The following CDCP1 variants were observed in gnomAD, a reference collection of about 807,000 sequenced individuals.
CDCP1 encodes CUB domain containing protein 1, also known as CUB domain-containing protein 1.
In CDCP1, 29 loss-of-function variants were observed where a neutral mutation model predicts 60.2. The ratio of observed to expected loss-of-function variants is 0.48; its 90% CI spans 0.36 to 0.66. CDCP1 has a LOEUF of 0.66. Ranked by LOEUF, CDCP1 falls within the 30% of genes least tolerant of loss-of-function variation. The pLI is 0.00. For missense variants in CDCP1, 876 were observed against 1,074.3 expected (o/e 0.82, Z 2.58); for synonymous variants, 387 against 431.1 (o/e 0.90, Z 1.27).
chr3:45,136,247 G>A (rs531813419), intron 1 of CDCP1, among the ~76,000 whole-genome samples: 1 of 152,306 alleles, frequency 6.6e-6, no homozygotes, highest in East Asian at 1.9e-4. Context: ...ACATTGTGTG[G>A]GTGGGTGGAA....
chr3:45,090,814 A>G (rs1698280059), intron 7 of CDCP1, among the ~76,000 whole-genome samples: 1 of 152,180 alleles, frequency 6.6e-6, no homozygotes, highest in Non-Finnish European at 1.5e-5. Context: ...AAGCCAAGTA[A>G]TCTCAGTTGT....
At position 45,112,089 on chromosome 3, in the gene CDCP1, T is replaced by C. The variant is rs146798463; in HGVS notation, c.649A>G (p.Ile217Val). 5 of 1,612,656 alleles carry C rather than the reference T, an allele frequency of 3.1e-6. No homozygotes were observed. Among genetic ancestry groups the C allele is most frequent in the Non-Finnish European group, 4.2e-6 (5 of 1,178,902 alleles). Residue 217 changes from isoleucine (I) to valine (V), a missense_variant, in exon 3 of 9, where the codon ATA becomes GTA. Around this residue, in one of 2 missense-constraint regions of CDCP1, gnomAD observed 726 missense variants for 935.7 expected, o/e 0.78. Coordinates refer to ENST00000296129, the MANE Select transcript of CDCP1 (RefSeq NM_022842.5). ...SGFSIANRSS[I>V]KRLCIIESVF... ...CAGGGAGGGGCTTTCTCACGTTTTA[T>C]AGATGAGCGGTTTGCAATGCTGAAG...
chr3:45,124,089 G>C (rs576324975), intron 1 of CDCP1, among the ~76,000 whole-genome samples: 1 of 152,206 alleles, frequency 6.6e-6, no homozygotes, highest in African/African-American at 2.4e-5. Flanking sequence ...CAGGGTTGGG[G>C]GAAGAATTTC....
intron 3 of CDCP1, among the ~76,000 whole-genome samples, chr3:45,111,784 CAAAGAAGTTA>C (rs1393639889): frequency 3.3e-5 from 5 of 152,192 alleles, no homozygotes. Flanking sequence ...AGATGGAAGA[CAAAGAAGTTA>C]GAAATGAAGC....
intron 2 of CDCP1, among the ~76,000 whole-genome samples, chr3:45,112,787 G>A (rs1698722542): frequency 6.6e-6 from 1 of 152,258 alleles, no homozygotes; most frequent in African/African-American, 2.4e-5. Flanking sequence ...CTTGCTTCAA[G>A]TGATGTAACC....
At chr3:45,094,950 T>G (rs1288872645) in intron 5 of CDCP1, among the ~76,000 whole-genome samples, 2 of 151,422 alleles carry the variant, frequency 1.3e-5, no homozygotes, top group Non-Finnish European at 3.0e-5. Context: ...GGGTTTTTTT[T>G]TTTTTTTTGA....
At chr3:45,100,749 G>A (rs1035146451) in intron 4 of CDCP1, among the ~76,000 whole-genome samples, 1 of 152,150 alleles carries the variant, frequency 6.6e-6, no homozygotes, top group Non-Finnish European at 1.5e-5. Flanking sequence ...TGTATGAAGG[G>A]AGTAAAGCCA....
chr3:45,096,639 A>G (rs1698404071), intron 4 of CDCP1, among the ~76,000 whole-genome samples: 1 of 151,370 alleles, frequency 6.6e-6, no homozygotes, highest in African/African-American at 2.4e-5. Flanking sequence ...AAAAAAAAAA[A>G]AAAAAAAAGA....
rs1302600979 is a variant in CDCP1, at chr3:45,093,359, C to A, written c.1545G>T (p.Val515=). The change falls in exon 6 of 9, where the codon GTG becomes GTT. Residue 515 remains valine (V), a synonymous_variant. Transcript: ENST00000296129. ...KQIQVKQNIS[V]TLRTFAPSFQ... is the part of the protein sequence containing the mutation. ...AGCTGGGGGCAAAGGTGCGAAGGGTCACCGAGATGTTCTGCTTCACCTGGA... is the reference window on the plus strand; with the variant it reads ...AGCTGGGGGCAAAGGTGCGAAGGGTAACCGAGATGTTCTGCTTCACCTGGA... 1.2e-6 allele frequency: 2 copies of A among 1,614,072 alleles called. No individual in the cohort carries two copies. Among genetic ancestry groups the A allele is most frequent in the African/African-American group, 2.7e-5 (2 of 74,930 alleles).
intron 4 of CDCP1, among the ~76,000 whole-genome samples, chr3:45,104,768 T>C (rs995631805): frequency 3.3e-5 from 5 of 152,162 alleles, no homozygotes; most frequent in Admixed American, 1.3e-4. Context: ...TAAAAAACAT[T>C]TGAGGCTGGG....
intron 1 of CDCP1, among the ~76,000 whole-genome samples, chr3:45,127,401 C>T (rs1004793988): frequency 8.5e-5 from 13 of 152,092 alleles, no homozygotes; most frequent in African/African-American, 3.1e-4. Flanking sequence ...GTTAATGTGG[C>T]TGAGTTAGTG....
At chr3:45,145,922 T>G (rs1159277628) in intron 1 of CDCP1, among the ~76,000 whole-genome samples, 1 of 151,544 alleles carries the variant, frequency 6.6e-6, no homozygotes, top group African/African-American at 2.4e-5. Context: ...ACCGGGCTCA[T>G]CCTCCCGGAC....
chr3:45,143,008 G>C (rs1699320145), intron 1 of CDCP1, among the ~76,000 whole-genome samples: 1 of 152,202 alleles, frequency 6.6e-6, no homozygotes, highest in South Asian at 2.1e-4. Flanking sequence ...TTTGAGACGA[G>C]CCTGGCTAAT....
chr3:45,124,732 A>G (rs1176900903), intron 1 of CDCP1, among the ~76,000 whole-genome samples: 1 of 152,172 alleles, frequency 6.6e-6, no homozygotes, highest in Non-Finnish European at 1.5e-5. Context: ...AAGTCGTGAT[A>G]TGCTTTTAGG....
chr3:45,085,921 T>A lies in CDCP1; in HGVS notation c.2228A>T (p.Tyr743Phe). The A allele has an allele frequency of 6.2e-7, 1 of 1,614,156 alleles. No individual in the cohort carries two copies. Among genetic ancestry groups the A allele is most frequent in the Non-Finnish European group, 8.5e-7 (1 of 1,180,016 alleles). ...VYAVIEDTMV[Y>F]GHLLQDSSGS... is the part of the protein sequence containing the mutation. ...GCTGGAATCCTGTAGCAGATGCCCA[T>A]ATACCATGGTGTCCTCGATGACTGC... The change falls in exon 9 of 9, where the codon TAT (tyrosine) becomes TTT (phenylalanine). Residue 743 changes from tyrosine (Y) to phenylalanine (F), a missense_variant. This residue lies in a region of CDCP1 where 726 missense variants were observed against 935.7 expected (regional missense o/e 0.78). Coordinates refer to ENST00000296129, the MANE Select transcript of CDCP1 (RefSeq NM_022842.5). The surrounding 1 kb of genome is among the most constrained non-coding windows in gnomAD (Gnocchi z 4.2).
rs1373579323 is a variant in CDCP1 at position 45,088,982 on chromosome 3, G to A, written c.2081+72C>T. On this transcript the variant is annotated intron_variant, in intron 8 of 8. Transcript: ENST00000296129. The stretch of plus-strand genomic sequence containing the variant: ...GAAGCAAGAAAACAAAGTCAATAAT[G>A]AACAATCCACCCAGTCTGTGTGATC... 3.3e-6 allele frequency: 4 copies of A among 1,219,920 alleles called. No homozygotes were observed. The African/African-American group carries it at 6.0e-5, about 18-fold the overall frequency. 75.6% of individuals were successfully genotyped at this position (1,219,920 alleles called of 1,614,324 possible).
intron 4 of CDCP1, among the ~76,000 whole-genome samples, chr3:45,103,051 T>C (rs1478637741): frequency 6.6e-6 from 1 of 152,148 alleles, no homozygotes; most frequent in Admixed American, 6.6e-5. Context: ...AATTTTGTTA[T>C]ATCCATTGTA....
At chr3:45,101,886 CA>C (rs34274441) in intron 4 of CDCP1, among the ~76,000 whole-genome samples, 22,223 of 110,566 alleles carry the variant, frequency 0.2, 1,623 homozygotes, top group Middle Eastern at 0.24. Flanking sequence ...AACTCCAGCT[CA>C]AAAAAAAAAA....
At position 45,091,470 on chromosome 3, in the gene CDCP1, G is replaced by A. The variant is rs532152615; in HGVS notation, c.1696C>T (p.Arg566Trp). The change falls in exon 7 of 9, where the codon CGG (arginine) becomes TGG (tryptophan). Residue 566 changes from arginine (R) to tryptophan (W), a missense_variant. Around this residue, in one of 2 missense-constraint regions of CDCP1, gnomAD observed 726 missense variants for 935.7 expected, o/e 0.78. Coordinates refer to ENST00000296129, the MANE Select transcript of CDCP1 (RefSeq NM_022842.5). This position sits in a 1 kb window ranked among gnomAD's most constrained non-coding sequence, Gnocchi z 4.8. ...ACAGAGGTGAGGGATGGCAGGCCCC[G>A]GTCCCAGTTGGGGGTCCTCAGGTAG... The part of the protein sequence containing the change: ...KVYLRTPNWD[R>W]GLPSLTSVSW... 35 of 1,609,918 alleles carry A rather than the reference G, an allele frequency of 2.2e-5. No homozygotes were observed. The highest frequency in any genetic ancestry group is 1.2e-4 in the Admixed American group (7 of 59,484).
Sources: allele counts gnomAD v4.1 joint callset (sites outside exome capture counted in the v4.1 genomes callset), GRCh38; gene constraint gnomAD v4.1.1; regional missense constraint gnomAD v4.1.1; non-coding constraint Gnocchi (gnomAD v3.1); transcripts MANE v1.5; gene names NCBI Gene and HGNC (gene_info 2026-07-23, HGNC 2026-07-21).